Variants in POTEG observed in about 807,000 individuals in gnomAD.
POTEG encodes the protein ANKRD26-like family C member 2.
POTEG carries 2 observed loss-of-function variants against 49.6 expected under a neutral mutation model. That is an observed-to-expected ratio of 0.04 (90% CI 0.02 to 0.13). The LOEUF (loss-of-function observed/expected upper bound fraction) is 0.13, where lower values mean the gene tolerates loss of function less well. POTEG is among the 10% of genes least tolerant of loss of function. POTEG has a pLI of 1.00. For synonymous variants in POTEG, 7 were observed against 186.6 expected, an observed-to-expected ratio of 0.04 and a Z score of 7.84; for missense variants, 26 against 545.2, an observed-to-expected ratio of 0.05 and a Z score of 9.48.
intron 1 of POTEG, among the ~76,000 whole-genome samples, chr14:19,432,403 T>TATATATATACACAC (rs1330765784): frequency 3.6e-4 from 16 of 44,706 alleles, no homozygotes; most frequent in Non-Finnish European, 6.1e-4. Context: ...TATATATATA[T>TATATATATACACAC]ACACACACAT....
At chr14:19,414,759 AAAT>A (rs1225732880) in intron 7 of POTEG, among the ~76,000 whole-genome samples, 153 bp from the exon 8 acceptor site, 26 of 148,044 alleles carry the variant, frequency 1.8e-4, no homozygotes, top group Admixed American at 1.2e-3. Flanking sequence ...TTAAAAAAAT[AAAT>A]AATAATTAAA....
At chr14:19,414,311 C>T (rs1246690312) in intron 8 of POTEG, among the ~76,000 whole-genome samples, 5 of 145,126 alleles carry the variant, frequency 3.4e-5, no homozygotes, top group Admixed American at 3.4e-4. Context: ...TGATCCAAAG[C>T]TCCTAAAGTG....
chr14:19,429,603 T>C (rs1463217353), intron 1 of POTEG, among the ~76,000 whole-genome samples: 1 of 132,628 alleles, frequency 7.5e-6, no homozygotes, highest in African/African-American at 2.6e-5. Context: ...TTTACTATAA[T>C]TGGTGGCATT....
At chr14:19,416,115 A>C (rs1361724173) in intron 7 of POTEG, among the ~76,000 whole-genome samples, 173 bp downstream of exon 7, 1 of 147,970 alleles carries the variant, frequency 6.8e-6, no homozygotes, top group African/African-American at 2.5e-5. Flanking sequence ...AAGTGCTGAG[A>C]TTACAGGCAT....
Position 19,419,905 on chromosome 14 carries a change from T to A in POTEG, c.1126+1719A>T, listed in dbSNP as rs1179841074. On this transcript the variant is annotated intron_variant, in intron 6 of 10. Coordinates refer to ENST00000547848, the MANE Select transcript of POTEG (RefSeq NM_001005356.3). ...AGCATTCTACCTGGTAAACTTCCCA[T>A]GGCCCATGGGGTAAAACCTACTCAT... 1.8e-4 allele frequency among the ~76,000 whole-genome samples: 25 copies of A among 141,362 alleles called. 1 individual carries two copies. The highest frequency in any genetic ancestry group is 7.1e-4 in the African/African-American group (25 of 35,254). The allele number at this position is 141,362 out of a possible 152,430, so 92.7% of individuals were successfully genotyped here.
At chr14:19,432,403 T>TATATATATATATACAC (rs1330765784) in intron 1 of POTEG, among the ~76,000 whole-genome samples, 10 of 44,702 alleles carry the variant, frequency 2.2e-4, no homozygotes, top group Non-Finnish European at 3.1e-4. Context: ...TATATATATA[T>TATATATATATATACAC]ACACACACAT....
chr14:19,416,125 T>A (rs1883556665), intron 7 of POTEG, among the ~76,000 whole-genome samples, 163 bp downstream of exon 7: 2 of 147,632 alleles, frequency 1.4e-5, no homozygotes, highest in Admixed American at 6.8e-5. Flanking sequence ...ATTACAGGCA[T>A]GAGCCACCCC....
intron 7 of POTEG, among the ~76,000 whole-genome samples, chr14:19,416,073 T>A (rs1446867042): frequency 1.4e-5 from 2 of 147,640 alleles, no homozygotes; most frequent in Admixed American, 6.7e-5. Context: ...CTCGATCTCC[T>A]GACCTCATGA....
intron 6 of POTEG, chr14:19,421,354 TG>T (rs1883756398): frequency 4.4e-6 from 2 of 456,066 alleles, no homozygotes; most frequent in African/African-American, 4.5e-5. Flanking sequence ...TGTCTCACTT[TG>T]CCCCCAGATA....
At chr14:19,419,931 T>C (rs1238157366) in intron 6 of POTEG, among the ~76,000 whole-genome samples, 3 of 143,282 alleles carry the variant, frequency 2.1e-5, no homozygotes, top group Admixed American at 2.1e-4. Flanking sequence ...ACCTACTCAT[T>C]TCTATAGTAT....
At chr14:19,405,894 C>CA (rs1883285323) in intron 9 of POTEG, among the ~76,000 whole-genome samples, 1 of 45,672 alleles carries the variant, frequency 2.2e-5, no homozygotes, top group African/African-American at 7.2e-5. Flanking sequence ...ACAGTGGCTG[C>CA]AAAAAAGTGT....
At position 19,415,354 on chromosome 14, in the gene POTEG, G is replaced by T. The variant is rs533156298; in HGVS notation, c.1198-748C>A. Among the ~76,000 whole-genome samples the T allele has an allele frequency of 2.1e-3, 307 of 143,912 alleles. 2 individuals are homozygous for T. The highest frequency in any genetic ancestry group is 7.4e-3 in the African/African-American group (297 of 39,978). 94.4% of individuals were successfully genotyped at this position (143,912 alleles called of 152,430 possible). A position where few individuals can be genotyped will look rare whatever the true frequency, so the allele number is the denominator to read the frequency against. On this transcript the variant is annotated intron_variant, in intron 7 of 10. Coordinates refer to ENST00000547848, the MANE Select transcript of POTEG (RefSeq NM_001005356.3). Reference sequence around the variant, plus strand: ...TCTGCAAGATATGATTCCTTTAATAGGCAGTTGGGTTGCTTTTTTGACCTG... The same window carrying T: ...TCTGCAAGATATGATTCCTTTAATATGCAGTTGGGTTGCTTTTTTGACCTG...
At chr14:19,414,819 G>A (rs539605127) in intron 7 of POTEG, among the ~76,000 whole-genome samples, 2 of 138,470 alleles carry the variant, frequency 1.4e-5, no homozygotes, top group East Asian at 2.0e-4. Flanking sequence ...CCACATCACT[G>A]GCTTCTAACA....
intron 1 of POTEG, among the ~76,000 whole-genome samples, chr14:19,433,516 G>A (rs112518297): frequency 0.027 from 2,306 of 84,140 alleles, no homozygotes; most frequent in Middle Eastern, 0.039. Context: ...AATGTTGCGA[G>A]TTAAATCACT....
At chr14:19,416,615 C>A (rs1480828101) in intron 6 of POTEG, among the ~76,000 whole-genome samples, 3 of 48,146 alleles carry the variant, frequency 6.2e-5, no homozygotes, top group Admixed American at 2.9e-4. Context: ...CATAAATGAA[C>A]AAAACCACCA....
At chr14:19,432,306 C>T (rs1464713682) in intron 1 of POTEG, among the ~76,000 whole-genome samples, 1 of 86,022 alleles carries the variant, frequency 1.2e-5, no homozygotes, top group Non-Finnish European at 2.4e-5. Context: ...CGAGATCGCA[C>T]CACTGCACTC....
intron 7 of POTEG, among the ~76,000 whole-genome samples, chr14:19,415,223 A>G (rs1243290870): frequency 1.0e-4 from 15 of 142,878 alleles, no homozygotes; most frequent in Admixed American, 9.8e-4. Flanking sequence ...ATATATTCTA[A>G]TATGTACTAA....
intron 1 of POTEG, 112 bp from the exon 2 acceptor site, chr14:19,429,101 C>T: frequency 3.2e-6 from 1 of 308,034 alleles, no homozygotes; most frequent in South Asian, 3.8e-5. Flanking sequence ...GCCTTCAAAA[C>T]AAACATTTAA....
intron 1 of POTEG, among the ~76,000 whole-genome samples, chr14:19,432,431 CGT>C (rs1491393666): frequency 1.2e-3 from 24 of 19,290 alleles, no homozygotes; most frequent in African/African-American, 3.3e-3. Flanking sequence ...TATGTATATA[CGT>C]ATATATATAT....
Sources: gnomAD v4.1 joint callset for allele counts (sites outside exome capture counted in the v4.1 genomes callset) on GRCh38, gnomAD v4.1.1 for gene constraint, MANE v1.5 for transcripts, NCBI Gene and HGNC (gene_info 2026-07-23, HGNC 2026-07-21) for gene names.